GPC6: variants seen among roughly 807,000 people sequenced by gnomAD.
GPC6 encodes the protein glypican-6.
In GPC6, 14 loss-of-function variants were observed where a neutral mutation model predicts 55.2. The observed-to-expected ratio is 0.25, with a 90% CI of 0.17 to 0.40. The LOEUF is 0.40. Ranked by LOEUF, GPC6 falls within the 10% of genes least tolerant of loss-of-function variation. The pLI, the probability that GPC6 is intolerant of heterozygous loss-of-function variation, is 1.00. For synonymous variants in GPC6, 278 were observed against 259.6 expected, an observed-to-expected ratio of 1.07 and a Z score of -0.68; for missense variants, 641 against 708.5, an observed-to-expected ratio of 0.90 and a Z score of 1.08.
intron 6 of GPC6, among the ~76,000 whole-genome samples, chr13:94,353,574 C>CATATATAT (rs145570959): frequency 6.7e-6 from 1 of 150,006 alleles, no homozygotes; most frequent in African/African-American, 2.5e-5. Flanking sequence ...GTGCGAGGAG[C>CATATATAT]ATATATATAT....
At chr13:93,393,426 G>T (rs1466329541) in intron 1 of GPC6, among the ~76,000 whole-genome samples, 5 of 152,036 alleles carry the variant, frequency 3.3e-5, no homozygotes, top group African/African-American at 1.2e-4. Context: ...TTACAGGAGT[G>T]AATCACCATG....
At chr13:93,442,345 G>C (rs933785835) in intron 1 of GPC6, among the ~76,000 whole-genome samples, 1 of 152,088 alleles carries the variant, frequency 6.6e-6, no homozygotes, top group African/African-American at 2.4e-5. Context: ...TAAAGTGATG[G>C]GATCCCATAC....
chr13:94,232,619 A>G (rs540482332), intron 4 of GPC6, among the ~76,000 whole-genome samples: 3 of 152,202 alleles, frequency 2.0e-5, no homozygotes, highest in Non-Finnish European at 4.4e-5. Context: ...TAACTTTCCT[A>G]TTTTACATAT....
intron 3 of GPC6, among the ~76,000 whole-genome samples, chr13:93,833,902 AC>A (rs1887631057): frequency 6.6e-6 from 1 of 152,094 alleles, no homozygotes; most frequent in African/African-American, 2.4e-5. Context: ...TCTTAGAAGC[AC>A]CATGTGACTC....
intron 3 of GPC6, among the ~76,000 whole-genome samples, chr13:93,840,507 T>A (rs1887912861): frequency 6.6e-6 from 1 of 152,150 alleles, no homozygotes; most frequent in Non-Finnish European, 1.5e-5. Context: ...TATTCTAGAA[T>A]AATGCTAAAA....
chr13:93,455,614 AG>A (rs2139307948), intron 1 of GPC6, among the ~76,000 whole-genome samples: 1 of 152,276 alleles, frequency 6.6e-6, no homozygotes, highest in African/African-American at 2.4e-5. Context: ...GGAGGCAAAA[AG>A]ATGGCAAGAA....
chr13:93,896,779 C>G (rs1460520937), intron 3 of GPC6, among the ~76,000 whole-genome samples: 1 of 151,984 alleles, frequency 6.6e-6, no homozygotes, highest in Non-Finnish European at 1.5e-5. Context: ...TGACTATCAC[C>G]TGGCTTAGCC....
At chr13:93,486,679 G>C (rs1315578624) in intron 1 of GPC6, among the ~76,000 whole-genome samples, 1 of 152,100 alleles carries the variant, frequency 6.6e-6, no homozygotes, top group Non-Finnish European at 1.5e-5. Flanking sequence ...GGGCACGGTG[G>C]CTCACACCTG....
chr13:93,943,691 C>A (rs1337412369), intron 3 of GPC6, among the ~76,000 whole-genome samples: 4 of 152,082 alleles, frequency 2.6e-5, no homozygotes, highest in African/African-American at 4.8e-5. Context: ...TTTAAAATTT[C>A]TTCACCCTCC....
chr13:93,260,213 A>C (rs947141577), intron 1 of GPC6, among the ~76,000 whole-genome samples: 3 of 152,136 alleles, frequency 2.0e-5, no homozygotes, highest in African/African-American at 7.2e-5. Flanking sequence ...TAACTTGTAA[A>C]GGGCTTTTTA....
chr13:93,992,702 A>G (rs1458832982), intron 3 of GPC6, among the ~76,000 whole-genome samples: 1 of 152,204 alleles, frequency 6.6e-6, no homozygotes, highest in Non-Finnish European at 1.5e-5. Context: ...AGATGAAGTC[A>G]TTATTTAATT....
At chr13:93,722,750 G>T (rs1022663323) in intron 2 of GPC6, among the ~76,000 whole-genome samples, 1 of 151,888 alleles carries the variant, frequency 6.6e-6, no homozygotes, top group African/African-American at 2.4e-5. Context: ...ACAGGGCCAG[G>T]CTCTCTCTAA....
At chr13:93,992,029 A>G (rs545030702) in intron 3 of GPC6, among the ~76,000 whole-genome samples, 1 of 151,846 alleles carries the variant, frequency 6.6e-6, no homozygotes, top group Non-Finnish European at 1.5e-5. Context: ...TAGTTTATAT[A>G]GACATCTTTA....
intron 1 of GPC6, among the ~76,000 whole-genome samples, chr13:93,253,018 A>G (rs1453322573): frequency 2.0e-5 from 3 of 152,218 alleles, no homozygotes; most frequent in South Asian, 2.1e-4. Flanking sequence ...TGTTGCCTTT[A>G]TATTGTTTTA....
chr13:93,266,222 C>T (rs1215805250), intron 1 of GPC6, among the ~76,000 whole-genome samples: 1 of 152,056 alleles, frequency 6.6e-6, no homozygotes, highest in Non-Finnish European at 1.5e-5. Context: ...TTAATTTTAC[C>T]TACCACAAGT....
chr13:93,829,038 G>A (rs748506029), intron 2 of GPC6, among the ~76,000 whole-genome samples: 35 of 152,128 alleles, frequency 2.3e-4, no homozygotes, highest in Non-Finnish European at 3.8e-4. Context: ...TGGAGCTTTT[G>A]AAATATGCAG....
chr13:93,887,806 A>G lies in GPC6; in HGVS notation c.711+57261A>G, dbSNP rs1875434200. Among the ~76,000 whole-genome samples, 4 of 152,168 alleles carry G rather than the reference A, an allele frequency of 2.6e-5. 1 individual carries two copies. In the South Asian group the frequency reaches 8.3e-4, roughly 31 times the overall value. On this transcript the variant is annotated intron_variant, in intron 3 of 8. Transcript: ENST00000377047. ...TGGATTTCTCATTGTGTAGAAGTAA[A>G]CAAAAATGTAGTTGATTCCAGAGGT...
intron 2 of GPC6, among the ~76,000 whole-genome samples, chr13:93,664,127 TA>T (rs1353603824): frequency 6.6e-6 from 1 of 152,050 alleles, no homozygotes; most frequent in Non-Finnish European, 1.5e-5. Context: ...TGGTAAACAA[TA>T]AAAAATGATA....
At chr13:93,889,341 A>C (rs929492019) in intron 3 of GPC6, among the ~76,000 whole-genome samples, 4 of 152,116 alleles carry the variant, frequency 2.6e-5, no homozygotes, top group Non-Finnish European at 4.4e-5. Flanking sequence ...CCTCTGGCTT[A>C]TAACGCATTA....
Sources: allele counts gnomAD v4.1 joint callset (sites outside exome capture counted in the v4.1 genomes callset), GRCh38; gene constraint gnomAD v4.1.1; transcripts MANE v1.5; gene names NCBI Gene and HGNC (gene_info 2026-07-23, HGNC 2026-07-21).